Variants in BNC2 observed in about 807,000 individuals in gnomAD.
The protein encoded by BNC2 is basonuclin zinc finger protein 2, also known as zinc finger protein basonuclin-2.
Under a neutral mutation model 76.3 loss-of-function variants are expected in BNC2, and 20 were observed. That is an observed-to-expected ratio of 0.26 (90% CI 0.18 to 0.38). The LOEUF is 0.38. Ranked by LOEUF, BNC2 falls within the 10% of genes least tolerant of loss-of-function variation. The pLI, the probability that BNC2 is intolerant of heterozygous loss-of-function variation, is 1.00. For synonymous variants in BNC2, 582 were observed against 514.8 expected (o/e 1.13, Z -1.77); for missense variants, 1,382 against 1,399.8 (o/e 0.99, Z 0.20).
intron 1 of BNC2, among the ~76,000 whole-genome samples, chr9:16,786,711 T>TG: frequency 6.6e-6 from 1 of 152,180 alleles, no homozygotes; most frequent in African/African-American, 2.4e-5. Context: ...GCCCCAAATG[T>TG]GGGGGGCAGA....
intron 3 of BNC2, among the ~76,000 whole-genome samples, chr9:16,686,737 G>A (rs146430915): frequency 1.5e-3 from 226 of 152,082 alleles, no homozygotes; most frequent in Non-Finnish European, 6.5e-4. Context: ...CAGTACAATC[G>A]TCCAAACTTA....
intron 1 of BNC2, among the ~76,000 whole-genome samples, chr9:16,784,793 A>G (rs1033950298): frequency 2.6e-5 from 4 of 152,220 alleles, no homozygotes; most frequent in Non-Finnish European, 5.9e-5. Context: ...GTGAACTCAC[A>G]GTATAAACCA....
chr9:16,555,468 G>C (rs1184179512), intron 4 of BNC2, among the ~76,000 whole-genome samples: 1 of 152,092 alleles, frequency 6.6e-6, no homozygotes, highest in East Asian at 1.9e-4. Flanking sequence ...AAGGACACTA[G>C]TTGATTCTTC....
At chr9:16,522,570 T>G (rs1470274791) in intron 5 of BNC2, among the ~76,000 whole-genome samples, 1 of 152,014 alleles carries the variant, frequency 6.6e-6, no homozygotes, top group Non-Finnish European at 1.5e-5. Context: ...TGGGGGAGGG[T>G]GTGACTGAGA....
chr9:16,744,182 G>C (rs1824934770), intron 1 of BNC2, among the ~76,000 whole-genome samples: 1 of 152,014 alleles, frequency 6.6e-6, no homozygotes, highest in African/African-American at 2.4e-5. Flanking sequence ...TGTTAGCCAG[G>C]ATGGTCTCAA....
At chr9:16,809,718 C>A (rs755829001) in intron 1 of BNC2, among the ~76,000 whole-genome samples, 1 of 152,006 alleles carries the variant, frequency 6.6e-6, no homozygotes, top group Non-Finnish European at 1.5e-5. Flanking sequence ...GCAGAGGATG[C>A]AGTGAGCTGA....
intron 3 of BNC2, chr9:16,685,628 C>A: frequency 7.7e-7 from 1 of 1,304,180 alleles, no homozygotes; most frequent in Non-Finnish European, 1.0e-6. Context: ...GCCAATGGAA[C>A]CTGAGGGAAT....
intron 1 of BNC2, among the ~76,000 whole-genome samples, chr9:16,771,439 T>C (rs73646245): frequency 0.024 from 3,631 of 152,288 alleles, 131 homozygotes; most frequent in African/African-American, 0.083. Context: ...ATCCCAGAAG[T>C]TCATTAAATA....
At chr9:16,837,929 A>G (rs146165851) in intron 1 of BNC2, among the ~76,000 whole-genome samples, 1 of 150,318 alleles carries the variant, frequency 6.7e-6, no homozygotes, top group South Asian at 2.1e-4. Context: ...ACTCTGTCTA[A>G]AAAAAAAAAC....
intron 5 of BNC2, among the ~76,000 whole-genome samples, chr9:16,508,483 G>A (rs937273175): frequency 2.0e-5 from 3 of 152,094 alleles, no homozygotes; most frequent in African/African-American, 7.2e-5. Context: ...CCTACAAGAC[G>A]TTCAAGCCAC....
At chr9:16,682,528 T>C (rs1395906779) in intron 3 of BNC2, among the ~76,000 whole-genome samples, 5 of 152,062 alleles carry the variant, frequency 3.3e-5, no homozygotes, top group African/African-American at 1.2e-4. Flanking sequence ...TTAATTACAA[T>C]GCAGACCAGA....
intron 5 of BNC2, among the ~76,000 whole-genome samples, chr9:16,481,293 G>C (rs541890755): frequency 6.6e-6 from 1 of 152,060 alleles, no homozygotes; most frequent in African/African-American, 2.4e-5. Context: ...AAAGCAGGCT[G>C]CCCGAGCCAG....
chr9:16,832,309 A>C, intron 1 of BNC2: 1 of 1,275,774 alleles, frequency 7.8e-7, no homozygotes. Flanking sequence ...ATCAAGGGAA[A>C]AGAAGCCATG....
At chr9:16,476,566 T>TA (rs1429967282) in intron 5 of BNC2, among the ~76,000 whole-genome samples, 2 of 150,772 alleles carry the variant, frequency 1.3e-5, no homozygotes, top group African/African-American at 4.9e-5. Context: ...TGTTGTTTTT[T>TA]TTAAAAAAAA....
chr9:16,623,730 G>C (rs1457487503), intron 3 of BNC2, among the ~76,000 whole-genome samples: 1 of 152,214 alleles, frequency 6.6e-6, no homozygotes, highest in Non-Finnish European at 1.5e-5. Context: ...CCAGATGTAT[G>C]TGGGTCATAA....
At chr9:16,560,248 G>A (rs1818968121) in intron 4 of BNC2, among the ~76,000 whole-genome samples, 1 of 152,208 alleles carries the variant, frequency 6.6e-6, no homozygotes, top group Non-Finnish European at 1.5e-5. Context: ...GTATGTGTTA[G>A]GGAACCATCT....
rs1418589619 is a variant in BNC2, at chr9:16,410,405, T to G, written c.*8584A>C. ...CAAGCCCAAGTCTTCTCCCCATTTC[T>G]CGACCGTCCTCACCCCTCTGACCTT... On this transcript the variant is annotated 3_prime_UTR_variant, in exon 7 of 7. Transcript: ENST00000380672. 6.5e-6 allele frequency: 1 copy of G among 152,690 alleles called. No homozygotes were observed. The highest frequency in any genetic ancestry group is 1.5e-5 in the Non-Finnish European group (1 of 68,136). The allele number at this position is 152,690 out of a possible 1,614,324, so 9.5% of individuals were successfully genotyped here.
chr9:16,611,055 C>G (rs1057071361), intron 3 of BNC2, among the ~76,000 whole-genome samples: 5 of 151,894 alleles, frequency 3.3e-5, no homozygotes, highest in African/African-American at 1.2e-4. Context: ...TTTGTTGAAG[C>G]AATTATCCAG....
At chr9:16,642,043 T>C (rs1307415055) in intron 3 of BNC2, among the ~76,000 whole-genome samples, 2 of 152,206 alleles carry the variant, frequency 1.3e-5, no homozygotes, top group Non-Finnish European at 2.9e-5. Flanking sequence ...AAGCAACATT[T>C]ATCATCTGAT....
Sources: gnomAD v4.1 joint callset for allele counts (sites outside exome capture counted in the v4.1 genomes callset) on GRCh38, gnomAD v4.1.1 for gene constraint, MANE v1.5 for transcripts, NCBI Gene and HGNC (gene_info 2026-07-23, HGNC 2026-07-21) for gene names.